Variants in SYCE1L observed in about 807,000 individuals in gnomAD.
The protein encoded by SYCE1L is synaptonemal complex central element protein 1 like.
A neutral mutation model predicts 39.6 loss-of-function variants in SYCE1L; 51 were observed. The observed-to-expected ratio is 1.29, with a 90% CI of 1.03 to 1.63. The LOEUF is 1.63. Ranked by LOEUF, SYCE1L falls within the 40% of genes most tolerant of loss-of-function variation. SYCE1L has a pLI of 0.00. For missense variants in SYCE1L, 426 were observed against 304.9 expected, an observed-to-expected ratio of 1.40 and a Z score of -2.96; for synonymous variants, 147 against 122.4, an observed-to-expected ratio of 1.20 and a Z score of -1.33.
At chr16:77,203,099 A>G (rs539376867) in intron 1 of SYCE1L, among the ~76,000 whole-genome samples, 38 of 152,328 alleles carry the variant, frequency 2.5e-4, no homozygotes, top group Non-Finnish European at 5.1e-4. Flanking sequence ...GAGAGAAGAG[A>G]AAATTTCATT....
intron 10 of SYCE1L, 31 bp from the exon 11 acceptor site, chr16:77,212,826 C>T: frequency 6.9e-7 from 1 of 1,457,262 alleles, no homozygotes. Flanking sequence ...GCGTAGGAAC[C>T]TGGTCCGCAG....
rs2054833660 is a variant in SYCE1L, at chr16:77,212,640, G to C, written c.648G>C (p.Glu216Asp). The change falls in exon 10 of 11, where the codon GAG becomes GAC. Residue 216 changes from glutamate to aspartate, a missense_variant. Coordinates refer to ENST00000378644, the MANE Select transcript of SYCE1L (RefSeq NM_001129979.3). ...VRSAPEVGAGEGEAGPELPRA... is the reference protein window; with the variant it reads ...VRSAPEVGAGDGEAGPELPRA... Reference sequence around the variant, plus strand: ...GCGCCCCCGAGGTCGGGGCCGGCGAGGGAGAGGTAGGGAGCCCGAGGAAGG... The same window carrying C: ...GCGCCCCCGAGGTCGGGGCCGGCGACGGAGAGGTAGGGAGCCCGAGGAAGG... The C allele has an allele frequency of 1.3e-6, 2 of 1,534,006 alleles. No homozygotes were observed. The highest frequency in any genetic ancestry group is 1.4e-5 in the African/African-American group (1 of 72,878).
intron 1 of SYCE1L, among the ~76,000 whole-genome samples, chr16:77,204,081 A>G (rs1048137619): frequency 1.3e-5 from 2 of 152,112 alleles, no homozygotes; most frequent in African/African-American, 4.8e-5. Context: ...CAAAAAAAAA[A>G]AGAAAAAGAT....
At chr16:77,209,269 C>T in intron 5 of SYCE1L, 125 bp downstream of exon 5, 1 of 1,342,672 alleles carries the variant, frequency 7.4e-7, no homozygotes, top group Middle Eastern at 1.8e-4. Flanking sequence ...CTGCACAGAT[C>T]TCTTCCTGGA....
Position 77,199,506 on chromosome 16 carries a change from G to A in SYCE1L, c.55G>A (p.Ala19Thr). Reference sequence around the variant, plus strand: ...GGAGGCGCCAGAAGCTACTGAGGAGGCTGAAGGTAGTGAGGGCAAGTGGGC... The same window carrying A: ...GGAGGCGCCAGAAGCTACTGAGGAGACTGAAGGTAGTGAGGGCAAGTGGGC... ...NVEAPEATEEAEGQAKSLKTE... is the reference protein window; with the variant it reads ...NVEAPEATEETEGQAKSLKTE... The change falls in exon 1 of 11, where the codon GCT becomes ACT. Residue 19 changes from alanine (A) to threonine (T), a missense_variant. Ala to Thr is a moderately conservative substitution (Grantham distance 58, BLOSUM62 0). Coordinates refer to ENST00000378644, the MANE Select transcript of SYCE1L (RefSeq NM_001129979.3). 6.4e-7 allele frequency: 1 copy of A among 1,551,486 alleles called. No homozygotes were observed.
chr16:77,200,291 T>TATATATATACATATATATATATATATAC, intron 1 of SYCE1L: 2 of 111,438 alleles, frequency 1.8e-5, no homozygotes, highest in South Asian at 2.7e-4. Context: ...TATATATATA[T>TATATATATACATATATATATATATATAC]ACACACACTA....
rs1043698578 is a variant in SYCE1L, at chr16:77,212,443, C to G, written c.581+74C>G. 4 of 1,535,544 alleles carry G rather than the reference C, an allele frequency of 2.6e-6. No homozygotes were observed. The African/African-American group carries it at 4.2e-5, about 16-fold the overall frequency. ...GGGGAACCCGCCCAGGTCCCCCGCT[C>G]CGCCCCCGACTGCCGCTTCCCCGGC... On this transcript the variant is annotated intron_variant, in intron 9 of 10. Transcript: ENST00000378644.
rs1438205389 is a variant in SYCE1L at position 77,206,479 on chromosome 16, A to G, written c.100A>G (p.Met34Val). 11 of 1,551,772 alleles carry G rather than the reference A, an allele frequency of 7.1e-6. No homozygotes were observed. The East Asian group carries it at 9.8e-5, about 14-fold the overall frequency. ...TTTGAAGACTGAAGACTTGCTGGCAATGGTGATAAAGCTGCAGAAAGGTCA... is the reference window on the plus strand; with the variant it reads ...TTTGAAGACTGAAGACTTGCTGGCAGTGGTGATAAAGCTGCAGAAAGGTCA... ...KSLKTEDLLA[M>V]VIKLQKEGSL... Residue 34 changes from methionine (M) to valine (V), a missense_variant, in exon 2 of 11, where the codon ATG becomes GTG. Met to Val is a conservative substitution (Grantham distance 21). Transcript: ENST00000378644.
chr16:77,211,383 T>G (rs1212959380), intron 7 of SYCE1L, 107 bp downstream of exon 7: 2 of 1,287,166 alleles, frequency 1.6e-6, no homozygotes, highest in African/African-American at 2.9e-5. Context: ...CGCGGGATAG[T>G]CCTTGATTCC....
intron 2 of SYCE1L, among the ~76,000 whole-genome samples, chr16:77,207,967 CTCACT>C (rs1407337556): frequency 6.6e-6 from 1 of 152,128 alleles, no homozygotes; most frequent in Non-Finnish European, 1.5e-5. Context: ...AACACTTTGC[CTCACT>C]TTATTTCTCT....
chr16:77,205,056 A>AAAGAAAAG lies in SYCE1L; in HGVS notation c.62-1383_62-1382insGAAAAGAA, dbSNP rs1555502753. Reference sequence around the variant, plus strand: ...CGAGACTCCATCTCAAAAAAAAAAAAAAAAGAAAAGAAAAAGATAATGTGG... The same window carrying AAAGAAAAG: ...CGAGACTCCATCTCAAAAAAAAAAAAAAGAAAAGAAAAGAAAAGAAAAAGATAATGTGG... On this transcript the variant is annotated intron_variant, in intron 1 of 10. Transcript: ENST00000378644. Among the ~76,000 whole-genome samples, 390 of 140,748 alleles carry AAAGAAAAG rather than the reference A, an allele frequency of 2.8e-3. 2 individuals carry two copies. The highest frequency in any genetic ancestry group is 9.9e-3 in the African/African-American group (369 of 37,334). 92.3% of individuals were successfully genotyped at this position (140,748 alleles called of 152,430 possible).
Position 77,212,870 on chromosome 16 carries a change from TC to T in SYCE1L, c.673del (p.Arg225AlafsTer89). The T allele has an allele frequency of 1.3e-6, 2 of 1,513,890 alleles. No individual in the cohort carries two copies. Among genetic ancestry groups the T allele is most frequent in the Non-Finnish European group, 1.8e-6 (2 of 1,132,260 alleles). 93.8% of individuals were successfully genotyped at this position (1,513,890 alleles called of 1,614,324 possible). A position where few individuals can be genotyped will look rare whatever the true frequency, so the allele number is the denominator to read the frequency against. Reference protein sequence around the residue: ...GAGEGEAGPELPRARDEEDPE... With the variant: ...GAGEGEAGPEXPRARDEEDPE... ...AGCCCCCGGCAGGCCGGACCTGAGC[TC>T]CCCCGCGCTCGCGACGAGGAGGATC... On this transcript the variant is annotated frameshift_variant, in exon 11 of 11. Transcript: ENST00000378644. LOFTEE classifies it low-confidence loss of function (END_TRUNC).
At chr16:77,208,092 G>A (rs2054797906) in intron 2 of SYCE1L, 118 bp from the exon 3 acceptor site, 2 of 1,039,570 alleles carry the variant, frequency 1.9e-6, no homozygotes, top group Non-Finnish European at 2.7e-6. Context: ...TCAACACACA[G>A]CAGGCGCTCA....
At chr16:77,207,076 C>T (rs151054584) in intron 2 of SYCE1L, among the ~76,000 whole-genome samples, 1 of 152,184 alleles carries the variant, frequency 6.6e-6, no homozygotes, top group African/African-American at 2.4e-5. Context: ...AAGAAGTGCA[C>T]TGGGACTGCT....
At chr16:77,211,996 T>G in intron 7 of SYCE1L, 134 bp from the exon 8 acceptor site, 35 of 1,003,992 alleles carry the variant, frequency 3.5e-5, no homozygotes, top group Non-Finnish European at 4.0e-5. Flanking sequence ...GAACTGCACA[T>G]TGAGTTAATA....
intron 6 of SYCE1L, 25 bp from the exon 7 acceptor site, chr16:77,211,188 C>T (rs1340254559): frequency 1.3e-6 from 2 of 1,551,838 alleles, no homozygotes; most frequent in South Asian, 1.2e-5. Flanking sequence ...CATGTGTTCT[C>T]TTATTCCTGG....
intron 6 of SYCE1L, 140 bp downstream of exon 6, chr16:77,209,611 C>G: frequency 4.6e-6 from 4 of 862,058 alleles, no homozygotes; most frequent in Middle Eastern, 2.2e-4. Context: ...AAAAGATTTC[C>G]TTGGTTATCT....
Position 77,208,219 on chromosome 16 carries a change from TG to T in SYCE1L, c.133del (p.Glu45SerfsTer4). The T allele has an allele frequency of 6.4e-7, 1 of 1,551,614 alleles. No homozygotes were observed. The highest frequency in any genetic ancestry group is 1.4e-5 in the African/African-American group (1 of 73,174). Reference sequence around the variant, plus strand: ...TCCTTTCTTTCTTCAGAGGGAAGCCTGGAGCCACAGATAGAGGACCTGATTA... The same window carrying T: ...TCCTTTCTTTCTTCAGAGGGAAGCCTGAGCCACAGATAGAGGACCTGATTA... ...MVIKLQKEGS[L>X]EPQIEDLISR... On this transcript the variant is annotated frameshift_variant, in exon 3 of 11. Coordinates refer to ENST00000378644, the MANE Select transcript of SYCE1L (RefSeq NM_001129979.3). LOFTEE classifies it high-confidence loss of function.
chr16:77,203,856 A>C (rs958116960), intron 1 of SYCE1L, among the ~76,000 whole-genome samples: 1 of 152,180 alleles, frequency 6.6e-6, no homozygotes, highest in East Asian at 1.9e-4. Flanking sequence ...CGGCCTCCCA[A>C]AGTGCTGGGA....
Sources: gnomAD v4.1 joint callset for allele counts (sites outside exome capture counted in the v4.1 genomes callset) on GRCh38, gnomAD v4.1.1 for gene constraint, MANE v1.5 for transcripts, NCBI Gene and HGNC (gene_info 2026-07-23, HGNC 2026-07-21) for gene names.